The following SLC45A2 variants were observed in gnomAD, a reference collection of about 807,000 sequenced individuals.
SLC45A2 encodes solute carrier family 45 member 2.
A neutral mutation model predicts 45.5 loss-of-function variants in SLC45A2; 36 were observed. The observed-to-expected ratio is 0.79, with a 90% confidence interval of 0.61 to 1.04. SLC45A2 has a LOEUF of 1.04. SLC45A2 is among the 50% of genes least tolerant of loss of function. The probability of loss-of-function intolerance (pLI) is 0.00; values close to 1 mark genes in which losing one functional copy is unlikely to be tolerated. For synonymous variants in SLC45A2, 306 were observed against 269.3 expected (o/e 1.14, Z -1.33); for missense variants, 719 against 671.0 (o/e 1.07, Z -0.79).
intron 2 of SLC45A2, among the ~76,000 whole-genome samples, chr5:33,964,623 T>G (rs1752551523): frequency 6.6e-6 from 1 of 152,182 alleles, no homozygotes. Context: ...AACAAAAGTT[T>G]AAACATGAAT....
chr5:33,948,485 A>G (rs1490863352), intron 5 of SLC45A2, among the ~76,000 whole-genome samples: 2 of 152,208 alleles, frequency 1.3e-5, no homozygotes, highest in Non-Finnish European at 2.9e-5. Context: ...CATTTTCCAT[A>G]TCTATTCATA....
At chr5:33,951,517 C>A (rs1456821488) in intron 5 of SLC45A2, 37 bp downstream of exon 5, 1 of 1,613,698 alleles carries the variant, frequency 6.2e-7, no homozygotes, top group Non-Finnish European at 8.5e-7. Flanking sequence ...AGACCAGAAA[C>A]TTTTAGAAGA....
Position 33,947,275 on chromosome 5 carries a change from G to C in SLC45A2, c.1256C>G (p.Pro419Arg), listed in dbSNP as rs530738094. ...CAGGACCAGGGTGGAGTAGACATTC[G>C]GGAAGAGCCCAATAAATCCCGTCCC... The part of the protein sequence containing the change: ...GLGTGFIGLF[P>R]NVYSTLVLCS... The change falls in exon 6 of 7, where the codon CCG becomes CGG. Residue 419 changes from proline (P) to arginine (R), a missense_variant. Physicochemically the swap from Pro to Arg is moderately radical, Grantham distance 103. Coordinates refer to ENST00000296589, the MANE Select transcript of SLC45A2 (RefSeq NM_016180.5). 1.2e-6 allele frequency: 2 copies of C among 1,614,158 alleles called. No homozygotes were observed. Among genetic ancestry groups the C allele is most frequent in the South Asian group, 2.2e-5 (2 of 91,074 alleles).
Position 33,954,369 on chromosome 5 carries a change from T to A in SLC45A2, c.1024A>T (p.Met342Leu), listed in dbSNP as rs143509333. Residue 342 changes from methionine to leucine, a missense_variant, in exon 4 of 7, where the codon ATG becomes TTG. Transcript: ENST00000296589. ...ACAGACACGTTCATTACCTGGCCCA[T>A]GAAATCTGTGAAGAACAGCATGTTG... ...LSNMLFFTDFMGQIVYRGDPY... is the reference protein window; with the variant it reads ...LSNMLFFTDFLGQIVYRGDPY... 3 of 1,614,042 alleles carry A rather than the reference T, an allele frequency of 1.9e-6. No homozygotes were observed. The highest frequency in any genetic ancestry group is 1.1e-5 in the South Asian group (1 of 91,082).
At chr5:33,982,068 T>C (rs376160922) in intron 2 of SLC45A2, among the ~76,000 whole-genome samples, 168 bp downstream of exon 2, 9 of 152,372 alleles carry the variant, frequency 5.9e-5, no homozygotes, top group East Asian at 3.9e-4. Context: ...AGTCACAAGC[T>C]GACTGTTCAG....
In SLC45A2 at chr5:33,984,319, C is replaced by G; in HGVS notation, c.265G>C (p.Gly89Arg). Residue 89 changes from glycine to arginine, a missense_variant, in exon 1 of 7, where the codon GGA becomes CGA. By Grantham distance (125) the Gly-to-Arg change is moderately radical. Transcript: ENST00000296589. ...GACCGGCAGTGGTCGCTGGCCGATCCGACCACGGGCTGCAGCAGGAATCCC... is the reference window on the plus strand; with the variant it reads ...GACCGGCAGTGGTCGCTGGCCGATCGGACCACGGGCTGCAGCAGGAATCCC... Reference protein sequence around the residue: ...ILGFLLQPVVGSASDHCRSRW... With the variant: ...ILGFLLQPVVRSASDHCRSRW... 6.2e-7 allele frequency: 1 copy of G among 1,614,118 alleles called. No homozygotes were observed. Among genetic ancestry groups the G allele is most frequent in the African/African-American group, 1.3e-5 (1 of 75,062 alleles).
chr5:33,959,023 A>G (rs1579543538), intron 3 of SLC45A2, among the ~76,000 whole-genome samples: 1 of 152,106 alleles, frequency 6.6e-6, no homozygotes, highest in East Asian at 1.9e-4. Flanking sequence ...AAATCACCAC[A>G]TTATTTTTTA....
At chr5:33,966,630 A>C (rs1378485934) in intron 2 of SLC45A2, among the ~76,000 whole-genome samples, 1 of 152,070 alleles carries the variant, frequency 6.6e-6, no homozygotes, top group Non-Finnish European at 1.5e-5. Context: ...ATAAATGATA[A>C]GCTAGAACTC....
At chr5:33,983,303 C>T (rs1021048467) in intron 1 of SLC45A2, among the ~76,000 whole-genome samples, 3 of 152,098 alleles carry the variant, frequency 2.0e-5, no homozygotes, top group East Asian at 1.9e-4. Flanking sequence ...GCTTTTTAAA[C>T]TTAAGAATAG....
In SLC45A2 at chr5:33,984,237, C is replaced by G; in HGVS notation, c.347G>C (p.Gly116Ala). 6.2e-7 allele frequency: 1 copy of G among 1,614,130 alleles called. No homozygotes were observed. Among genetic ancestry groups the G allele is most frequent in the Non-Finnish European group, 8.5e-7 (1 of 1,180,022 alleles). The change falls in exon 1 of 7, where the codon GGC becomes GCC. Residue 116 changes from glycine to alanine, a missense_variant. By Grantham distance (60) the Gly-to-Ala change is moderately conservative. Coordinates refer to ENST00000296589, the MANE Select transcript of SLC45A2 (RefSeq NM_016180.5). The stretch of plus-strand genomic sequence containing the variant: ...AGCCCCATTGAGGTACAGAGCCATG[C>G]CCACGAGCATCATGACTCCCAGGGT... ...ILTLGVMMLVGMALYLNGATV... is the reference protein window; with the variant it reads ...ILTLGVMMLVAMALYLNGATV...
chr5:33,944,981 C>T (rs1751880614), intron 6 of SLC45A2, 109 bp from the exon 7 acceptor site: 3 of 1,016,802 alleles, frequency 3.0e-6, no homozygotes, highest in Non-Finnish European at 4.5e-6. Context: ...CCTTTGGCTT[C>T]GTGGATTATA....
At chr5:33,977,996 G>C (rs1368953797) in intron 2 of SLC45A2, among the ~76,000 whole-genome samples, 2 of 152,130 alleles carry the variant, frequency 1.3e-5, no homozygotes, top group Non-Finnish European at 2.9e-5. Flanking sequence ...ACTGGAGACT[G>C]GAGAACAGTT....
At chr5:33,947,459 T>C in intron 5 of SLC45A2, 85 bp from the exon 6 acceptor site, 1 of 1,298,540 alleles carries the variant, frequency 7.7e-7, no homozygotes, top group African/African-American at 1.5e-5. Flanking sequence ...TTCTGAAGAT[T>C]CACCTTTTTA....
chr5:33,948,837 T>C (rs191828594), intron 5 of SLC45A2, among the ~76,000 whole-genome samples: 4 of 152,340 alleles, frequency 2.6e-5, no homozygotes, highest in East Asian at 3.9e-4. Context: ...GAAGGCAAAG[T>C]AGGGCAAAGA....
chr5:33,951,892 C>T (rs1273983718), intron 4 of SLC45A2, among the ~76,000 whole-genome samples: 2 of 152,150 alleles, frequency 1.3e-5, no homozygotes, highest in Admixed American at 6.5e-5. Context: ...CAGATCTCAA[C>T]AACACTCTCT....
chr5:33,963,646 A>G, intron 3 of SLC45A2, 45 bp downstream of exon 3: 1 of 1,590,726 alleles, frequency 6.3e-7, no homozygotes, highest in Non-Finnish European at 8.6e-7. Flanking sequence ...AACAACAAAG[A>G]GCAAGAATAT....
chr5:33,968,998 C>A (rs1429807892), intron 2 of SLC45A2, among the ~76,000 whole-genome samples: 1 of 150,846 alleles, frequency 6.6e-6, no homozygotes, highest in Non-Finnish European at 1.5e-5. Flanking sequence ...TACTTATTCC[C>A]ACCAGGTACA....
intron 2 of SLC45A2, among the ~76,000 whole-genome samples, chr5:33,966,921 T>G (rs1216892894): frequency 6.6e-6 from 1 of 152,182 alleles, no homozygotes; most frequent in African/African-American, 2.4e-5. Context: ...CATTCCTATC[T>G]TTGTGCTTTC....
At chr5:33,948,830 G>A (rs1469915298) in intron 5 of SLC45A2, among the ~76,000 whole-genome samples, 2 of 152,210 alleles carry the variant, frequency 1.3e-5, no homozygotes, top group Non-Finnish European at 2.9e-5. Context: ...CAGAGGAGAA[G>A]GCAAAGTAGG....
Sources: allele counts gnomAD v4.1 joint callset (sites outside exome capture counted in the v4.1 genomes callset), GRCh38; gene constraint gnomAD v4.1.1; transcripts MANE v1.5; gene names NCBI Gene and HGNC (gene_info 2026-07-23, HGNC 2026-07-21).